WDPCP: variants seen among roughly 807,000 people sequenced by gnomAD.
The protein encoded by WDPCP is WD repeat containing planar cell polarity effector, also known as WD repeat-containing and planar cell polarity effector protein fritz homolog.
In WDPCP, 71 loss-of-function variants were observed where a neutral mutation model predicts 93.1. That is an observed-to-expected ratio of 0.76 (90% CI 0.63 to 0.93). WDPCP has a LOEUF of 0.93. Ranked by LOEUF, WDPCP falls within the 40% of genes least tolerant of loss-of-function variation. WDPCP has a pLI of 0.00. For missense variants in WDPCP, 844 were observed against 887.4 expected, an observed-to-expected ratio of 0.95 and a Z score of 0.62; for synonymous variants, 315 against 315.0, an observed-to-expected ratio of 1.00 and a Z score of 0.00.
chr2:63,238,830 G>A (rs1679626231), intron 14 of WDPCP, among the ~76,000 whole-genome samples: 1 of 152,026 alleles, frequency 6.6e-6, no homozygotes, highest in Non-Finnish European at 1.5e-5. Context: ...CTATGACCTG[G>A]CATTACTTCA....
chr2:63,468,045 G>A (rs1334840342), intron 6 of WDPCP, among the ~76,000 whole-genome samples: 1 of 152,156 alleles, frequency 6.6e-6, no homozygotes. Context: ...CAACGACTGA[G>A]CATCACTGGG....
chr2:63,515,067 T>A (rs944249463), intron 1 of WDPCP, among the ~76,000 whole-genome samples: 5 of 152,164 alleles, frequency 3.3e-5, no homozygotes. Flanking sequence ...AGTTTGCCAT[T>A]TTTTCAATAG....
Position 63,776,245 on chromosome 2 carries a change from CTCAGA to C in WDPCP, n.308+37372_308+37376del, listed in dbSNP as rs1403710680. Among the ~76,000 whole-genome samples the C allele has an allele frequency of 2.8e-4, 42 of 150,894 alleles. 1 individual carries two copies. Among genetic ancestry groups the C allele is most frequent in the Middle Eastern group, 3.4e-3 (1 of 292 alleles). On this transcript the variant is annotated intron_variant and non_coding_transcript_variant, in intron 2 of 4. Transcript: ENST00000467687. ...GGAAGAAAATATTTGCAAATCACAC[CTCAGA>C]TAAAGGAATTGTATCCAGAATACAT...
chr2:63,489,270 T>C (rs1308606926), intron 2 of WDPCP, among the ~76,000 whole-genome samples: 1 of 151,374 alleles, frequency 6.6e-6, no homozygotes, highest in Non-Finnish European at 1.5e-5. Context: ...AATACAAATA[T>C]GGAAAGGGAG....
chr2:63,421,861 A>C (rs1442596830), intron 9 of WDPCP, among the ~76,000 whole-genome samples: 1 of 152,226 alleles, frequency 6.6e-6, no homozygotes, highest in Non-Finnish European at 1.5e-5. Flanking sequence ...TAAATGAGAA[A>C]TTATGGGATA....
intron 3 of WDPCP, among the ~76,000 whole-genome samples, chr2:63,637,424 A>AC (rs1709932024): frequency 6.6e-6 from 1 of 150,966 alleles, no homozygotes; most frequent in Non-Finnish European, 1.5e-5. Context: ...ACAACAGAAA[A>AC]AAAAAAAAAA....
chr2:63,501,440 C>G (rs1174175891), intron 1 of WDPCP, among the ~76,000 whole-genome samples: 1 of 152,136 alleles, frequency 6.6e-6, no homozygotes, highest in African/African-American at 2.4e-5. Context: ...GTGGCACCTG[C>G]CTGTACTCCT....
rs149674553 is a variant in WDPCP at position 63,645,481 on chromosome 2, C to A, written n.488+5178G>T. Among the ~76,000 whole-genome samples the A allele has an allele frequency of 1.8e-3, 280 of 152,268 alleles. 1 individual carries two copies. The highest frequency in any genetic ancestry group is 6.3e-3 in the African/African-American group (260 of 41,546). ...GAGAAAAAGAATGTGTATTCTGCAG[C>A]CATTGGATGAAATGTTCTGAAAGTG... On this transcript the variant is annotated intron_variant and non_coding_transcript_variant, in intron 3 of 4. Coordinates refer to the WDPCP transcript ENST00000467687.
intron 1 of WDPCP, among the ~76,000 whole-genome samples, chr2:63,550,133 A>G (rs543125224): frequency 6.6e-6 from 1 of 151,578 alleles, no homozygotes; most frequent in African/African-American, 2.4e-5. Flanking sequence ...TCTCATGCGT[A>G]GATTCTTTAT....
chr2:63,735,035 A>C (rs1244314551), intron 2 of WDPCP, among the ~76,000 whole-genome samples: 1 of 152,250 alleles, frequency 6.6e-6, no homozygotes, highest in African/African-American at 2.4e-5. Context: ...TCATTTATTC[A>C]TTAAGCAAAC....
intron 14 of WDPCP, among the ~76,000 whole-genome samples, chr2:63,250,000 T>C (rs77064289): frequency 0.024 from 3,656 of 152,318 alleles, 77 homozygotes; most frequent in Non-Finnish European, 0.034. Flanking sequence ...TCATATGTAA[T>C]GTACCATAGA....
intron 13 of WDPCP, among the ~76,000 whole-genome samples, chr2:63,284,936 T>A (rs193220197): frequency 7.6e-4 from 115 of 151,950 alleles, no homozygotes; most frequent in Non-Finnish European, 1.4e-3. Flanking sequence ...CACAAAAAAA[T>A]TTAAAAATGA....
At chr2:63,812,368 T>G (rs1299073526) in intron 2 of WDPCP, among the ~76,000 whole-genome samples, 1 of 152,232 alleles carries the variant, frequency 6.6e-6, no homozygotes, top group Non-Finnish European at 1.5e-5. Context: ...AGTGCTGTGA[T>G]GAACAGGTAA....
rs144572226 is a variant in WDPCP at position 63,448,990 on chromosome 2, A to G, written c.385-9119T>C. Among the ~76,000 whole-genome samples the G allele has an allele frequency of 2.5e-3, 385 of 152,290 alleles. 1 individual carries two copies. The highest frequency in any genetic ancestry group is 6.8e-3 in the Middle Eastern group (2 of 294). On this transcript the variant is annotated intron_variant, in intron 6 of 17. Transcript: ENST00000272321. ...ATGTGTTGTATATTTCAAAATGGCT[A>G]AAGTATCAGATTTCAAATGTACTCA...
intron 12 of WDPCP, among the ~76,000 whole-genome samples, chr2:63,338,072 A>C (rs1036039982): frequency 6.6e-6 from 1 of 152,134 alleles, no homozygotes; most frequent in Non-Finnish European, 1.5e-5. Flanking sequence ...ATGTCTTCTC[A>C]AAAACCAATA....
intron 13 of WDPCP, among the ~76,000 whole-genome samples, chr2:63,278,773 C>G (rs551794371): frequency 5.1e-4 from 78 of 152,210 alleles, no homozygotes; most frequent in African/African-American, 1.8e-3. Context: ...TTGCAGTGAG[C>G]CAAGATCATG....
At chr2:63,233,736 A>C (rs1679133997) in intron 14 of WDPCP, among the ~76,000 whole-genome samples, 1 of 152,060 alleles carries the variant, frequency 6.6e-6, no homozygotes, top group Admixed American at 6.6e-5. Context: ...TCTGGAATGC[A>C]CTGGTTCTGG....
intron 17 of WDPCP, among the ~76,000 whole-genome samples, chr2:63,142,771 G>T (rs1216799574): frequency 6.6e-6 from 1 of 151,278 alleles, no homozygotes; most frequent in Non-Finnish European, 1.5e-5. Flanking sequence ...TTGTTTCTTA[G>T]GTCTATTAGT....
intron 1 of WDPCP, among the ~76,000 whole-genome samples, chr2:63,521,625 GA>G (rs1235700428): frequency 1.3e-5 from 2 of 152,126 alleles, no homozygotes; most frequent in Non-Finnish European, 2.9e-5. Flanking sequence ...CATCAAGGCA[GA>G]AAACTAACAA....
Sources: gnomAD v4.1 joint callset for allele counts (sites outside exome capture counted in the v4.1 genomes callset) on GRCh38, gnomAD v4.1.1 for gene constraint, MANE v1.5 for transcripts, NCBI Gene and HGNC (gene_info 2026-07-23, HGNC 2026-07-21) for gene names.